FAM167A: variants seen among roughly 807,000 people sequenced by gnomAD.
The protein encoded by FAM167A is family with sequence similarity 167 member A.
In FAM167A, 23 loss-of-function variants were observed where a neutral mutation model predicts 14.9. That is an observed-to-expected ratio of 1.55 (90% confidence interval 1.11 to 2.19). The LOEUF is 2.19. Ranked by LOEUF, FAM167A falls within the 30% of genes most tolerant of loss-of-function variation. FAM167A has a pLI of 0.00. For synonymous variants in FAM167A, 174 were observed against 117.7 expected, an observed-to-expected ratio of 1.48 and a Z score of -3.10; for missense variants, 401 against 281.5, an observed-to-expected ratio of 1.42 and a Z score of -3.04.
At chr8:11,443,013 C>G (rs1806530849) in intron 2 of FAM167A, among the ~76,000 whole-genome samples, 1 of 152,196 alleles carries the variant, frequency 6.6e-6, no homozygotes, top group African/African-American at 2.4e-5. Flanking sequence ...AAGCAGGCCT[C>G]AGCCTACCCA....
intron 2 of FAM167A, chr8:11,435,022 C>T (rs915383421): frequency 2.2e-6 from 1 of 456,692 alleles, no homozygotes; most frequent in African/African-American, 2.0e-5. Context: ...CTCCTCCCTG[C>T]CTGCCTCCCC....
rs185991615 is a variant in FAM167A at position 11,434,802 on chromosome 8, G to C, written c.381+9229C>G. The C allele has an allele frequency of 1.0e-3, 358 of 343,516 alleles. 2 individuals are homozygous for C. Among genetic ancestry groups the C allele is most frequent in the African/African-American group, 7.4e-3 (346 of 46,638 alleles). The allele number at this position is 343,516 out of a possible 1,614,324, so 21.3% of individuals were successfully genotyped here. On this transcript the variant is annotated intron_variant, in intron 2 of 2. Coordinates refer to ENST00000284486, the MANE Select transcript of FAM167A (RefSeq NM_053279.3). Reference sequence around the variant, plus strand: ...CATGTGCCCTACACAGAGAGAGGATGCTGATCACCTTCCTCCCCTCCCATC... The same window carrying C: ...CATGTGCCCTACACAGAGAGAGGATCCTGATCACCTTCCTCCCCTCCCATC...
chr8:11,443,908 G>T (rs1211566682), intron 2 of FAM167A, 123 bp downstream of exon 2: 19 of 1,233,356 alleles, frequency 1.5e-5, no homozygotes, highest in South Asian at 1.2e-4. Flanking sequence ...TGCACTTGGG[G>T]GTTAGAGAGA....
chr8:11,460,194 G>A (rs1305766796), intron 1 of FAM167A, among the ~76,000 whole-genome samples: 6 of 152,256 alleles, frequency 3.9e-5, no homozygotes, highest in South Asian at 2.1e-4. Flanking sequence ...GGCTGCACCC[G>A]TAGATTGCCC....
intron 1 of FAM167A, among the ~76,000 whole-genome samples, chr8:11,464,798 AG>A (rs1333416379): frequency 6.6e-6 from 1 of 152,224 alleles, no homozygotes; most frequent in Non-Finnish European, 1.5e-5. Flanking sequence ...CACAGCAGCC[AG>A]GGTGTGAGAA....
intron 1 of FAM167A, among the ~76,000 whole-genome samples, chr8:11,458,701 G>A (rs1256511274): frequency 6.6e-6 from 1 of 152,156 alleles, no homozygotes; most frequent in Non-Finnish European, 1.5e-5. Context: ...TCAGCTGGGA[G>A]GATATAAGCT....
intron 1 of FAM167A, among the ~76,000 whole-genome samples, chr8:11,463,221 G>A (rs1807605877): frequency 6.6e-6 from 1 of 152,202 alleles, no homozygotes; most frequent in Non-Finnish European, 1.5e-5. Context: ...AAACAAAATA[G>A]CAGCAGCCAC....
At chr8:11,475,816 T>C (rs1797858194) in intron 1 of FAM167A, among the ~76,000 whole-genome samples, 1 of 152,168 alleles carries the variant, frequency 6.6e-6, no homozygotes, top group African/African-American at 2.4e-5. Context: ...ATTGCTGCCC[T>C]TCACCTGTGT....
intron 2 of FAM167A, among the ~76,000 whole-genome samples, chr8:11,426,915 G>A (rs1413801479): frequency 6.6e-6 from 1 of 152,178 alleles, no homozygotes; most frequent in Non-Finnish European, 1.5e-5. Flanking sequence ...GGCGAGCAGA[G>A]GGATGACTTT....
upstream of FAM167A, among the ~76,000 whole-genome samples, chr8:11,468,589 G>C (rs2117167874): frequency 6.8e-6 from 1 of 147,656 alleles, no homozygotes; most frequent in East Asian, 1.9e-4. Flanking sequence ...CTGGGTGCTG[G>C]CTGTTTCTGA....
intron 2 of FAM167A, among the ~76,000 whole-genome samples, chr8:11,427,048 C>T (rs1435938362): frequency 6.6e-6 from 1 of 152,134 alleles, no homozygotes; most frequent in Non-Finnish European, 1.5e-5. Flanking sequence ...TCTTTGTGGG[C>T]CAATTGTGAG....
At chr8:11,428,475 G>C (rs1805341259) in intron 2 of FAM167A, among the ~76,000 whole-genome samples, 1 of 152,230 alleles carries the variant, frequency 6.6e-6, no homozygotes. Context: ...AAAAGAGAAA[G>C]AAAGCTGCAG....
intron 2 of FAM167A, chr8:11,438,679 G>C (rs1168460874): frequency 2.6e-6 from 1 of 377,922 alleles, no homozygotes; most frequent in Non-Finnish European, 5.1e-6. Flanking sequence ...TGGTTCTTTT[G>C]TTTATACATT....
At chr8:11,443,237 G>C (rs1025039665) in intron 2 of FAM167A, among the ~76,000 whole-genome samples, 8 of 152,210 alleles carry the variant, frequency 5.3e-5, no homozygotes, top group African/African-American at 1.4e-4. Context: ...GGGGTGGAAG[G>C]GGACAGGGCA....
intron 2 of FAM167A, chr8:11,434,074 A>G (rs1194538626): frequency 6.6e-6 from 1 of 152,248 alleles, no homozygotes; most frequent in Non-Finnish European, 1.5e-5. Context: ...CACGCTGCTG[A>G]AGGGCAACTG....
intron 2 of FAM167A, among the ~76,000 whole-genome samples, chr8:11,426,450 G>C (rs77784152): frequency 0.023 from 3,508 of 152,270 alleles, 62 homozygotes; most frequent in Non-Finnish European, 0.036. Flanking sequence ...GTTTTCTTCT[G>C]TTAACAAAGA....
upstream of FAM167A, among the ~76,000 whole-genome samples, chr8:11,471,769 C>T (rs1211407534): frequency 6.6e-6 from 1 of 152,206 alleles, no homozygotes; most frequent in Admixed American, 6.5e-5. Context: ...TCCTTTCCAC[C>T]TGGGACCTAG....
At chr8:11,434,647 T>G (rs191922632) in intron 2 of FAM167A, among the ~76,000 whole-genome samples, 1 of 152,282 alleles carries the variant, frequency 6.6e-6, no homozygotes, top group East Asian at 1.9e-4. Flanking sequence ...ACTACACACC[T>G]TCAGGGGTGA....
chr8:11,460,710 C>T (rs1807504786), intron 1 of FAM167A, among the ~76,000 whole-genome samples: 2 of 152,160 alleles, frequency 1.3e-5, no homozygotes, highest in East Asian at 1.9e-4. Flanking sequence ...AAGAATTATA[C>T]CACAGAGAAC....
Sources: allele counts gnomAD v4.1 joint callset (sites outside exome capture counted in the v4.1 genomes callset), GRCh38; gene constraint gnomAD v4.1.1; transcripts MANE v1.5; gene names NCBI Gene and HGNC (gene_info 2026-07-23, HGNC 2026-07-21).